The following MGAT4C variants were observed in gnomAD, a reference collection of about 807,000 sequenced individuals.
The protein encoded by MGAT4C is alpha-1,3-mannosyl-glycoprotein 4-beta-N-acetylglucosaminyltransferase C.
Under a neutral mutation model 40.1 loss-of-function variants are expected in MGAT4C, and 19 were observed. The observed-to-expected ratio is 0.47, with a 90% CI of 0.33 to 0.70. The LOEUF (loss-of-function observed/expected upper bound fraction) is 0.70, where lower values mean the gene tolerates loss of function less well. MGAT4C is among the 30% of genes least tolerant of loss of function. The probability of loss-of-function intolerance (pLI) is 0.02; values close to 1 mark genes in which losing one functional copy is unlikely to be tolerated. For missense variants in MGAT4C, 491 were observed against 563.2 expected, an observed-to-expected ratio of 0.87 and a Z score of 1.30; for synonymous variants, 181 against 187.1, an observed-to-expected ratio of 0.97 and a Z score of 0.27.
rs186127416 is a variant in MGAT4C at position 86,676,921 on chromosome 12, T to C, written c.-229+50288A>G. The stretch of plus-strand genomic sequence containing the variant: ...CTCAGAAACATAAATATTTAAAAGG[T>C]AGATGGAAAAACAGCCATCAGTCTT... On this transcript the variant is annotated intron_variant, in intron 2 of 7. Transcript: ENST00000548651. Among the ~76,000 whole-genome samples, 21 of 152,150 alleles carry C rather than the reference T, an allele frequency of 1.4e-4. No individual in the cohort carries two copies. The East Asian group carries it at 3.5e-3, about 25-fold the overall frequency.
chr12:86,762,017 C>T (rs1284100858), intron 1 of MGAT4C, among the ~76,000 whole-genome samples: 1 of 150,720 alleles, frequency 6.6e-6, no homozygotes, highest in Non-Finnish European at 1.5e-5. Context: ...TGCTCAGGGT[C>T]TTAACAGGCT....
intron 1 of MGAT4C, among the ~76,000 whole-genome samples, chr12:86,170,355 A>C (rs1886679691): frequency 6.6e-6 from 1 of 152,200 alleles, no homozygotes; most frequent in Non-Finnish European, 1.5e-5. Flanking sequence ...TGATACTTTC[A>C]GATAGTCTTG....
chr12:86,139,853 C>T (rs1882576975), intron 1 of MGAT4C, among the ~76,000 whole-genome samples: 1 of 152,266 alleles, frequency 6.6e-6, no homozygotes, highest in East Asian at 1.9e-4. Context: ...ATTTTAGCTG[C>T]TCTGCATTTG....
At chr12:86,827,391 A>G (rs1033684372) in intron 1 of MGAT4C, among the ~76,000 whole-genome samples, 2 of 151,512 alleles carry the variant, frequency 1.3e-5, no homozygotes, top group African/African-American at 4.8e-5. Context: ...ACTTTCCTGA[A>G]TATTTCCTAC....
At chr12:86,514,936 A>G (rs185484532) in intron 2 of MGAT4C, among the ~76,000 whole-genome samples, 34 of 152,338 alleles carry the variant, frequency 2.2e-4, no homozygotes, top group Non-Finnish European at 4.0e-4. Context: ...ACTTTCAGCA[A>G]AATTATTTTG....
chr12:86,392,724 A>G (rs1956180927), intron 3 of MGAT4C, among the ~76,000 whole-genome samples: 1 of 152,230 alleles, frequency 6.6e-6, no homozygotes, highest in African/African-American at 2.4e-5. Flanking sequence ...TATGCATTGC[A>G]TATTCAATAA....
chr12:86,413,246 C>G (rs1956641305), intron 3 of MGAT4C, among the ~76,000 whole-genome samples: 1 of 152,028 alleles, frequency 6.6e-6, no homozygotes, highest in Non-Finnish European at 1.5e-5. Flanking sequence ...GTGGGAAGTA[C>G]TATCGAGAAA....
intron 2 of MGAT4C, among the ~76,000 whole-genome samples, chr12:86,720,029 A>T (rs1020878677): frequency 7.2e-5 from 11 of 152,178 alleles, no homozygotes. Flanking sequence ...TTGATCTTTC[A>T]TTATAAAACA....
chr12:86,363,211 A>G (rs191721269), intron 3 of MGAT4C, among the ~76,000 whole-genome samples: 4 of 152,252 alleles, frequency 2.6e-5, no homozygotes, highest in Admixed American at 2.6e-4. Flanking sequence ...CAGAATACAT[A>G]TTATTTTAAA....
chr12:86,472,552 A>C (rs1181420952), intron 2 of MGAT4C, among the ~76,000 whole-genome samples: 1 of 152,118 alleles, frequency 6.6e-6, no homozygotes, highest in Non-Finnish European at 1.5e-5. Flanking sequence ...ATTTTCATCC[A>C]TCTATATATA....
chr12:86,077,337 C>A (rs11117182), intron 1 of MGAT4C, among the ~76,000 whole-genome samples: 2 of 151,950 alleles, frequency 1.3e-5, no homozygotes, highest in South Asian at 2.1e-4. Context: ...GCACCATTTC[C>A]CAACCCAAAT....
chr12:86,237,770 A>G (rs1440324748), intron 1 of MGAT4C, among the ~76,000 whole-genome samples: 2 of 151,946 alleles, frequency 1.3e-5, no homozygotes, highest in East Asian at 3.9e-4. Context: ...AAAACAAGAG[A>G]CCAACAAGAA....
At chr12:86,504,666 C>G (rs1017272163) in intron 2 of MGAT4C, among the ~76,000 whole-genome samples, 1 of 152,040 alleles carries the variant, frequency 6.6e-6, no homozygotes, top group East Asian at 1.9e-4. Context: ...AATAGGAGGA[C>G]AACATATACA....
chr12:86,372,939 G>A (rs1955747195), intron 3 of MGAT4C, among the ~76,000 whole-genome samples: 1 of 150,828 alleles, frequency 6.6e-6, no homozygotes, highest in Non-Finnish European at 1.5e-5. Flanking sequence ...TTCCATTTTG[G>A]AAGTAATTGA....
At chr12:86,377,398 T>C (rs1955850194) in intron 3 of MGAT4C, among the ~76,000 whole-genome samples, 1 of 152,124 alleles carries the variant, frequency 6.6e-6, no homozygotes, top group African/African-American at 2.4e-5. Flanking sequence ...TACTGCTTTT[T>C]TCCTATTATT....
intron 2 of MGAT4C, among the ~76,000 whole-genome samples, chr12:86,442,055 A>G (rs1036895813): frequency 6.6e-6 from 1 of 152,090 alleles, no homozygotes; most frequent in Non-Finnish European, 1.5e-5. Context: ...GTGAGATGGT[A>G]TCTCATTGTG....
At chr12:86,425,384 T>C (rs1282319365) in intron 3 of MGAT4C, among the ~76,000 whole-genome samples, 2 of 152,128 alleles carry the variant, frequency 1.3e-5, no homozygotes, top group Non-Finnish European at 2.9e-5. Context: ...TTTAAAAGTG[T>C]AGCACTTCCT....
intron 2 of MGAT4C, among the ~76,000 whole-genome samples, chr12:86,706,020 T>C (rs1182334486): frequency 6.6e-6 from 1 of 152,176 alleles, no homozygotes; most frequent in African/African-American, 2.4e-5. Flanking sequence ...ACTGTGTTTG[T>C]TGTAATGATC....
In MGAT4C at chr12:85,967,153, T is replaced by C. The variant is rs557843428; in HGVS notation, c.*12136A>G. 8 of 152,338 alleles carry C rather than the reference T, an allele frequency of 5.3e-5. No homozygotes were observed. The South Asian group carries it at 1.4e-3, about 28-fold the overall frequency. The allele number at this position is 152,338 out of a possible 1,614,324, so 9.4% of individuals were successfully genotyped here. On this transcript the variant is annotated 3_prime_UTR_variant, in exon 5 of 5. Coordinates refer to ENST00000611864, the MANE Select transcript of MGAT4C (RefSeq NM_001351288.2). The stretch of plus-strand genomic sequence containing the variant: ...GATATAACATTGATTTGTCTTTTTC[T>C]TATTTGATATCAGCTAGCAGTAAAA...
Sources: gnomAD v4.1 joint callset for allele counts (sites outside exome capture counted in the v4.1 genomes callset) on GRCh38, gnomAD v4.1.1 for gene constraint, MANE v1.5 for transcripts, NCBI Gene and HGNC (gene_info 2026-07-23, HGNC 2026-07-21) for gene names.